CDK13: variants seen among roughly 807,000 people sequenced by gnomAD.
CDK13 encodes the protein cyclin-dependent kinase 13.
Under a neutral mutation model 137.6 loss-of-function variants are expected in CDK13, and 40 were observed. The ratio of observed to expected loss-of-function variants is 0.29; its 90% CI spans 0.23 to 0.38. The LOEUF is 0.38. CDK13 is among the 10% of genes least tolerant of loss of function. The pLI, the probability that CDK13 is intolerant of heterozygous loss-of-function variation, is 1.00. For missense variants in CDK13, 1,704 were observed against 1,951.8 expected, an observed-to-expected ratio of 0.87 and a Z score of 2.39; for synonymous variants, 869 against 760.1, an observed-to-expected ratio of 1.14 and a Z score of -2.36.
At chr7:39,991,288 C>G (rs530146405) in intron 2 of CDK13, among the ~76,000 whole-genome samples, 5 of 151,930 alleles carry the variant, frequency 3.3e-5, no homozygotes, top group Non-Finnish European at 7.4e-5. Context: ...TTAGGAAACC[C>G]GAATATGGGA....
At chr7:39,989,164 A>T (rs1043045554) in intron 2 of CDK13, among the ~76,000 whole-genome samples, 2 of 148,080 alleles carry the variant, frequency 1.4e-5, no homozygotes, top group South Asian at 4.3e-4. Context: ...AAAAATTTCT[A>T]TTATGAACAG....
chr7:40,070,915 T>A (rs1455245667), intron 9 of CDK13: 1 of 152,184 alleles, frequency 6.6e-6, no homozygotes, highest in Non-Finnish European at 1.5e-5. Context: ...GTACATTGCT[T>A]ATGAGATAAA....
chr7:39,958,062 C>T (rs1787477192), intron 1 of CDK13, among the ~76,000 whole-genome samples: 1 of 152,052 alleles, frequency 6.6e-6, no homozygotes, highest in Non-Finnish European at 1.5e-5. Flanking sequence ...TCCTTGAATT[C>T]CTGCACATTT....
chr7:40,000,513 A>T (rs182927977), intron 4 of CDK13, among the ~76,000 whole-genome samples: 120 of 152,350 alleles, frequency 7.9e-4, no homozygotes, highest in African/African-American at 2.7e-3. Flanking sequence ...ACTGCACTCC[A>T]GTCAGGGCCA....
At chr7:39,966,614 G>A (rs1215430282) in intron 1 of CDK13, among the ~76,000 whole-genome samples, 1 of 152,118 alleles carries the variant, frequency 6.6e-6, no homozygotes, top group Non-Finnish European at 1.5e-5. Context: ...CTCTGAACTC[G>A]TCGAAGTCAT....
At chr7:40,039,441 T>A (rs1322941058) in intron 5 of CDK13, among the ~76,000 whole-genome samples, 1 of 138,424 alleles carries the variant, frequency 7.2e-6, no homozygotes, top group African/African-American at 2.9e-5. Context: ...CTAATTTTTT[T>A]TTTTTTTTTT....
At chr7:40,026,514 G>GAAAT (rs1336317050) in intron 5 of CDK13, among the ~76,000 whole-genome samples, 1 of 152,134 alleles carries the variant, frequency 6.6e-6, no homozygotes, top group Non-Finnish European at 1.5e-5. Context: ...CCCTGCCTCA[G>GAAAT]AAATAAATAA....
At chr7:40,025,069 T>C (rs1785216502) in intron 5 of CDK13, among the ~76,000 whole-genome samples, 1 of 152,166 alleles carries the variant, frequency 6.6e-6, no homozygotes, top group Non-Finnish European at 1.5e-5. Context: ...GGTATCTCAA[T>C]GTTCATATTT....
chr7:40,009,145 A>G (rs1006709858), intron 5 of CDK13, among the ~76,000 whole-genome samples: 2 of 152,174 alleles, frequency 1.3e-5, no homozygotes, highest in African/African-American at 2.4e-5. Flanking sequence ...ATTTGTCTAT[A>G]TTTTCCTCTA....
At chr7:40,086,344 G>C (rs1786788008) in intron 11 of CDK13, among the ~76,000 whole-genome samples, 1 of 152,144 alleles carries the variant, frequency 6.6e-6, no homozygotes, top group Non-Finnish European at 1.5e-5. Flanking sequence ...GTACCTCCTA[G>C]AGGTAAACAG....
In CDK13 at chr7:40,097,621, A is replaced by T. The variant is rs1338288642; in HGVS notation, c.*2641A>T. The T allele has an allele frequency of 6.6e-6, 1 of 152,136 alleles. No individual in the cohort carries two copies. The highest frequency in any genetic ancestry group is 1.5e-5 in the Non-Finnish European group (1 of 67,978). The allele number at this position is 152,136 out of a possible 1,614,324, so 9.4% of individuals were successfully genotyped here. A position where few individuals can be genotyped will look rare whatever the true frequency, so the allele number is the denominator to read the frequency against. Reference sequence around the variant, plus strand: ...AAAAAAGCAGGTAAGTCAGACTGCAAGTTAAGAAGACAAAAATATAAAAGA... The same window carrying T: ...AAAAAAGCAGGTAAGTCAGACTGCATGTTAAGAAGACAAAAATATAAAAGA... On this transcript the variant is annotated 3_prime_UTR_variant, in exon 14 of 14. Coordinates refer to ENST00000181839, the MANE Select transcript of CDK13 (RefSeq NM_003718.5).
At chr7:40,091,564 C>G (rs568034376) in intron 12 of CDK13, among the ~76,000 whole-genome samples, 1 of 152,132 alleles carries the variant, frequency 6.6e-6, no homozygotes, top group South Asian at 2.1e-4. Flanking sequence ...GATGAATCCT[C>G]TGAGTCATTT....
At chr7:40,075,512 A>G (rs971363016) in intron 9 of CDK13, among the ~76,000 whole-genome samples, 9 of 152,276 alleles carry the variant, frequency 5.9e-5, no homozygotes, top group African/African-American at 2.2e-4. Context: ...TTTTAGTATA[A>G]TGAAACTGTT....
intron 2 of CDK13, among the ~76,000 whole-genome samples, chr7:39,996,203 T>C (rs916366862): frequency 1.3e-5 from 2 of 152,200 alleles, no homozygotes; most frequent in Non-Finnish European, 2.9e-5. Flanking sequence ...TCAACACGAA[T>C]AGGAGGATAA....
intron 2 of CDK13, among the ~76,000 whole-genome samples, chr7:39,991,351 AGAGT>A (rs1784451258): frequency 6.6e-6 from 1 of 152,234 alleles, no homozygotes; most frequent in African/African-American, 2.4e-5. Flanking sequence ...ACTTTAAAGA[AGAGT>A]GAGTAATGGT....
At chr7:40,016,926 G>A (rs957748652) in intron 5 of CDK13, among the ~76,000 whole-genome samples, 2 of 151,992 alleles carry the variant, frequency 1.3e-5, no homozygotes, top group African/African-American at 4.8e-5. Context: ...AAGCATAAAT[G>A]GATAGAATGG....
At chr7:40,075,791 T>C (rs1319487491) in intron 9 of CDK13, among the ~76,000 whole-genome samples, 2 of 152,144 alleles carry the variant, frequency 1.3e-5, no homozygotes. Flanking sequence ...GGAGGATCAC[T>C]TGAAGCCAGG....
At chr7:40,053,984 C>A (rs1303781801) in intron 7 of CDK13, among the ~76,000 whole-genome samples, 1 of 152,124 alleles carries the variant, frequency 6.6e-6, no homozygotes, top group Non-Finnish European at 1.5e-5. Flanking sequence ...AGCTCAGGAT[C>A]TTTTGACAGA....
intron 6 of CDK13, among the ~76,000 whole-genome samples, 196 bp downstream of exon 6, chr7:40,046,221 C>T (rs957943069): frequency 1.3e-5 from 2 of 152,038 alleles, no homozygotes; most frequent in Non-Finnish European, 2.9e-5. Flanking sequence ...CTTGTAATAC[C>T]CATGTCACCA....
Sources: allele counts gnomAD v4.1 joint callset (sites outside exome capture counted in the v4.1 genomes callset), GRCh38; gene constraint gnomAD v4.1.1; transcripts MANE v1.5; gene names NCBI Gene and HGNC (gene_info 2026-07-23, HGNC 2026-07-21).